DUSP22: variants seen among roughly 807,000 people sequenced by gnomAD.
DUSP22 encodes the protein dual specificity protein phosphatase 22.
In DUSP22, 24 loss-of-function variants were observed where a neutral mutation model predicts 24.5. The ratio of observed to expected loss-of-function variants is 0.98; its 90% CI spans 0.71 to 1.38. The LOEUF (loss-of-function observed/expected upper bound fraction) is 1.38, where lower values mean the gene tolerates loss of function less well. Among genes scored for constraint, DUSP22 ranks in the 40% most tolerant of loss-of-function variants. DUSP22 has a pLI of 0.00. For missense variants in DUSP22, 330 were observed against 269.2 expected, an observed-to-expected ratio of 1.23 and a Z score of -1.58; for synonymous variants, 160 against 106.4, an observed-to-expected ratio of 1.50 and a Z score of -3.10.
chr6:314,711 C>T (rs574176464), intron 3 of DUSP22, among the ~76,000 whole-genome samples: 19 of 152,416 alleles, frequency 1.2e-4, no homozygotes, highest in South Asian at 2.1e-4. Flanking sequence ...CTTTGTGAGC[C>T]GGGAGACATT....
intron 1 of DUSP22, among the ~76,000 whole-genome samples, chr6:297,374 G>T (rs566308569): frequency 6.6e-6 from 1 of 152,310 alleles, no homozygotes; most frequent in Non-Finnish European, 1.5e-5. Context: ...TCTTGGATGT[G>T]ACTGACACTT....
At chr6:302,979 G>A (rs1480446988) in intron 1 of DUSP22, among the ~76,000 whole-genome samples, 2 of 152,302 alleles carry the variant, frequency 1.3e-5, no homozygotes, top group African/African-American at 4.8e-5. Context: ...TGCTCGCACT[G>A]GACTCGGTCG....
chr6:308,028 C>G (rs535734174), intron 2 of DUSP22, among the ~76,000 whole-genome samples: 7 of 152,354 alleles, frequency 4.6e-5, no homozygotes, highest in African/African-American at 1.7e-4. Flanking sequence ...GCATTTGTGA[C>G]TGCCAGTTGG....
chr6:332,795 A>C (rs1159702081), intron 3 of DUSP22, among the ~76,000 whole-genome samples: 1 of 152,300 alleles, frequency 6.6e-6, no homozygotes, highest in Non-Finnish European at 1.5e-5. Context: ...CTGACACTGA[A>C]GATGGCACTA....
chr6:333,468 A>C (rs932377835), intron 3 of DUSP22, among the ~76,000 whole-genome samples: 2 of 152,306 alleles, frequency 1.3e-5, no homozygotes, highest in Admixed American at 6.5e-5. Flanking sequence ...CAAAGCATAC[A>C]GAAACTGTGA....
intron 4 of DUSP22, among the ~76,000 whole-genome samples, chr6:336,408 C>A (rs1427277504): frequency 6.6e-6 from 1 of 152,308 alleles, no homozygotes; most frequent in Non-Finnish European, 1.5e-5. Flanking sequence ...GGAGTGCAGA[C>A]CATGTGCCCC....
Position 349,630 on chromosome 6 carries a change from T to A in DUSP22, c.*679T>A. 1 of 987,310 alleles carries A rather than the reference T, an allele frequency of 1.0e-6. No homozygotes were observed. The highest frequency in any genetic ancestry group is 1.2e-6 in the Non-Finnish European group (1 of 831,398). The allele number at this position is 987,310 out of a possible 1,614,324, so 61.2% of individuals were successfully genotyped here. The stretch of plus-strand genomic sequence containing the variant: ...GGTGGCTCTGGGGCCCTGGAAAACG[T>A]GAGAGACTGCCCTGAGCTGGTCCAG... On this transcript the variant is annotated 3_prime_UTR_variant, in exon 7 of 7. Coordinates refer to ENST00000419235, the MANE Select transcript of DUSP22 (RefSeq NM_001286555.3).
At chr6:299,913 C>T (rs998738800) in intron 1 of DUSP22, among the ~76,000 whole-genome samples, 20 of 152,294 alleles carry the variant, frequency 1.3e-4, no homozygotes, top group African/African-American at 4.1e-4. Flanking sequence ...CATTTTTTCT[C>T]TCTCCTTTCC....
At position 349,331 on chromosome 6, in the gene DUSP22, A is replaced by G. The variant is rs1377455908; in HGVS notation, c.*380A>G. The G allele has an allele frequency of 4.1e-5, 45 of 1,088,004 alleles. No homozygotes were observed. Among genetic ancestry groups the G allele is most frequent in the Non-Finnish European group, 4.7e-5 (42 of 893,918 alleles). The allele number at this position is 1,088,004 out of a possible 1,614,324, so 67.4% of individuals were successfully genotyped here. On this transcript the variant is annotated 3_prime_UTR_variant, in exon 7 of 7. Transcript: ENST00000419235. ...TGTTGTGAAAGTGTCTGTGCACATG[A>G]ATGTTTGTGTGTGTGTGAACTCTTT...
intron 3 of DUSP22, among the ~76,000 whole-genome samples, chr6:327,705 G>T (rs1182016841): frequency 1.3e-5 from 2 of 152,298 alleles, no homozygotes; most frequent in Non-Finnish European, 2.9e-5. Context: ...GAGGAGGTGA[G>T]GGAAGGCTCC....
At chr6:293,302 A>G (rs1417492448) in intron 1 of DUSP22, among the ~76,000 whole-genome samples, 2 of 152,282 alleles carry the variant, frequency 1.3e-5, no homozygotes, top group Non-Finnish European at 2.9e-5. Context: ...GGAAGTTGCC[A>G]GATTCCAGCT....
chr6:298,320 C>T (rs1024716062), intron 1 of DUSP22, among the ~76,000 whole-genome samples: 1 of 152,298 alleles, frequency 6.6e-6, no homozygotes, highest in Non-Finnish European at 1.5e-5. Flanking sequence ...CAAAGTTTTC[C>T]CCTTCATGCC....
chr6:339,607 G>A (rs542732377), intron 4 of DUSP22, among the ~76,000 whole-genome samples: 23 of 152,376 alleles, frequency 1.5e-4, no homozygotes, highest in Admixed American at 5.2e-4. Flanking sequence ...CTATGGAGTC[G>A]GTATACATCA....
intron 3 of DUSP22, among the ~76,000 whole-genome samples, chr6:317,412 G>C (rs1758383676): frequency 6.6e-6 from 1 of 152,306 alleles, no homozygotes; most frequent in South Asian, 2.1e-4. Context: ...GGTGTTTAAA[G>C]TTGAAGAAGG....
chr6:351,063 AT>A lies in DUSP22; in HGVS notation c.*2113del, dbSNP rs1281200871. On this transcript the variant is annotated 3_prime_UTR_variant, in exon 7 of 7. Transcript: ENST00000419235. ...TAGCAAGAGAAAATATTTTCCCCTT[AT>A]CCCCACTGCTGTGGAGGTTTCTGTA... 26 of 866,800 alleles carry A rather than the reference AT, an allele frequency of 3.0e-5. No individual in the cohort carries two copies. Among genetic ancestry groups the A allele is most frequent in the Non-Finnish European group, 4.3e-5 (25 of 575,738 alleles). The allele number at this position is 866,800 out of a possible 1,614,324, so 53.7% of individuals were successfully genotyped here. A position where few individuals can be genotyped will look rare whatever the true frequency, so the allele number is the denominator to read the frequency against.
intron 3 of DUSP22, among the ~76,000 whole-genome samples, chr6:329,643 G>T (rs1181429817): frequency 3.3e-5 from 5 of 152,360 alleles, no homozygotes; most frequent in African/African-American, 9.6e-5. Context: ...TAGTAGAGAC[G>T]GGGTTTTACC....
chr6:339,951 GTGA>G (rs1243562753), intron 4 of DUSP22, among the ~76,000 whole-genome samples: 1 of 152,306 alleles, frequency 6.6e-6, no homozygotes, highest in African/African-American at 2.4e-5. Context: ...CCAGCCCATA[GTGA>G]TGTTCTCCTG....
intron 3 of DUSP22, among the ~76,000 whole-genome samples, chr6:332,137 G>A (rs1759168324): frequency 6.6e-6 from 1 of 152,310 alleles, no homozygotes; most frequent in South Asian, 2.1e-4. Context: ...GTGAGTGCCT[G>A]CTGTGTGCCG....
At chr6:307,075 A>C (rs560158429) in intron 2 of DUSP22, among the ~76,000 whole-genome samples, 9 of 152,416 alleles carry the variant, frequency 5.9e-5, no homozygotes, top group African/African-American at 2.2e-4. Flanking sequence ...AAGGGTGGAA[A>C]CCCAATGTGG....
Sources: allele counts gnomAD v4.1 joint callset (sites outside exome capture counted in the v4.1 genomes callset), GRCh38; gene constraint gnomAD v4.1.1; transcripts MANE v1.5; gene names NCBI Gene and HGNC (gene_info 2026-07-23, HGNC 2026-07-21).